The following BSN variants were observed in gnomAD, a reference collection of about 807,000 sequenced individuals.
BSN encodes the protein protein bassoon.
BSN carries 57 observed loss-of-function variants against 264.8 expected under a neutral mutation model. The observed-to-expected ratio is 0.22, with a 90% CI of 0.17 to 0.27. The LOEUF (loss-of-function observed/expected upper bound fraction) is 0.27. Ranked by LOEUF, BSN falls within the 10% of genes least tolerant of loss-of-function variation. The probability of loss-of-function intolerance (pLI) is 1.00; values close to 1 mark genes in which losing one functional copy is unlikely to be tolerated. For missense variants in BSN, 4,615 were observed against 5,232.5 expected (o/e 0.88, Z 3.64); for synonymous variants, 2,059 against 2,137.3 (o/e 0.96, Z 1.01).
Position 49,653,758 on chromosome 3 carries a change from C to A in BSN, c.4202C>A (p.Ala1401Asp). The stretch of plus-strand genomic sequence containing the variant: ...CTGCCACGAGGATATATGACTCCAG[C>A]CTCCCCAGCAGGCTCCGAGCGTAGT... The part of the protein sequence containing the change: ...AGLPRGYMTP[A>D]SPAGSERSPS... The change falls in exon 5 of 12, where the codon GCC (alanine) becomes GAC (aspartate). Residue 1401 changes from alanine to aspartate, a missense_variant. Ala to Asp is a moderately radical substitution (Grantham distance 126). Transcript: ENST00000296452. This position sits in a 1 kb window ranked among gnomAD's most constrained non-coding sequence, Gnocchi z 6.3. 1 of 1,614,096 alleles carries A rather than the reference C, an allele frequency of 6.2e-7. No homozygotes were observed. Among genetic ancestry groups the A allele is most frequent in the Non-Finnish European group, 8.5e-7 (1 of 1,180,012 alleles).
chr3:49,655,434 G>T lies in BSN; in HGVS notation c.5878G>T (p.Val1960Leu), dbSNP rs753345805. Residue 1960 changes from valine (V) to leucine (L), a missense_variant, in exon 5 of 12, where the codon GTG becomes TTG. This residue lies in a region of BSN where 3,415 missense variants were observed against 3,866.4 expected (regional missense o/e 0.88). Transcript: ENST00000296452. ...PEPPTYRAQG[V>L]VGPGPHEEQR... ...GCCCCCAACCTACCGGGCACAGGGG[G>T]TGGTGGGGCCTGGGCCCCATGAGGA... 5.1e-6 allele frequency: 8 copies of T among 1,570,218 alleles called. No individual in the cohort carries two copies. The highest frequency in any genetic ancestry group is 6.0e-6 in the Non-Finnish European group (7 of 1,157,634).
chr3:49,605,519 T>TATTATATATTATATA (rs2052116087), intron 1 of BSN, among the ~76,000 whole-genome samples: 9 of 7,496 alleles, frequency 1.2e-3, no homozygotes, highest in Admixed American at 2.8e-3. Flanking sequence ...ATATAATATA[T>TATTATATATTATATA]ATATAATATA....
chr3:49,592,063 A>G (rs2108024911), intron 1 of BSN, among the ~76,000 whole-genome samples: 1 of 152,210 alleles, frequency 6.6e-6, no homozygotes, highest in Non-Finnish European at 1.5e-5. Context: ...TGAGAGAGAC[A>G]GTTGATTTTT....
chr3:49,569,419 G>A (rs1005356313), intron 1 of BSN, among the ~76,000 whole-genome samples: 1 of 152,174 alleles, frequency 6.6e-6, no homozygotes, highest in Non-Finnish European at 1.5e-5. Flanking sequence ...AAAGCACTCA[G>A]CATGAGGCCT....
chr3:49,595,575 T>G (rs1479714948), intron 1 of BSN, among the ~76,000 whole-genome samples: 3 of 152,260 alleles, frequency 2.0e-5, no homozygotes, highest in African/African-American at 4.8e-5. Flanking sequence ...CACCGCAGCC[T>G]TGAACTCCTG....
chr3:49,641,672 G>A (rs1006922278), intron 2 of BSN: 2 of 152,162 alleles, frequency 1.3e-5, no homozygotes, highest in African/African-American at 4.8e-5. Context: ...TCATTCTGTA[G>A]TATCTTGTTT....
Position 49,638,062 on chromosome 3 carries a change from C to G in BSN, c.634-4206C>G, listed in dbSNP as rs924301859. On this transcript the variant is annotated intron_variant, in intron 2 of 11. Transcript: ENST00000296452. This position sits in a 1 kb window ranked among gnomAD's most constrained non-coding sequence, Gnocchi z 4.3. ...CACATCTCCTGCCCATGTGCCAGATCAGGATCTTGGAGGTATTAGACAGCA... is the reference window on the plus strand; with the variant it reads ...CACATCTCCTGCCCATGTGCCAGATGAGGATCTTGGAGGTATTAGACAGCA... Among the ~76,000 whole-genome samples the G allele has an allele frequency of 6.6e-6, 1 of 152,228 alleles. No individual in the cohort carries two copies. The highest frequency in any genetic ancestry group is 2.4e-5 in the African/African-American group (1 of 41,458).
At chr3:49,623,856 C>T (rs1383958381) in intron 1 of BSN, among the ~76,000 whole-genome samples, 4 of 152,134 alleles carry the variant, frequency 2.6e-5, no homozygotes, top group African/African-American at 4.8e-5. Flanking sequence ...AGTATGGTAT[C>T]TCAATATAGT....
At chr3:49,662,691 A>G in intron 6 of BSN, 129 bp downstream of exon 6, 1 of 1,269,258 alleles carries the variant, frequency 7.9e-7, no homozygotes, top group Non-Finnish European at 1.0e-6. Context: ...GCCCTGCTGC[A>G]GGCAGGCTGC....
intron 1 of BSN, among the ~76,000 whole-genome samples, chr3:49,569,366 A>G (rs921976850): frequency 1.3e-5 from 2 of 152,216 alleles, no homozygotes; most frequent in Non-Finnish European, 2.9e-5. Flanking sequence ...AAGTGCATTC[A>G]ATTAAACAAA....
In BSN at chr3:49,657,439, G is replaced by A. The variant is rs780162212; in HGVS notation, c.7883G>A (p.Arg2628His). 20 of 1,612,756 alleles carry A rather than the reference G, an allele frequency of 1.2e-5. No individual in the cohort carries two copies. Among genetic ancestry groups the A allele is most frequent in the Non-Finnish European group, 1.7e-5 (20 of 1,179,818 alleles). ...DSAEWEQPVR[R>H]RRSRLPRHSD... Reference sequence around the variant, plus strand: ...GCTGAGTGGGAGCAGCCAGTGCGCCGCCGCAGGTCTCGTCTTCCCCGCCAC... The same window carrying A: ...GCTGAGTGGGAGCAGCCAGTGCGCCACCGCAGGTCTCGTCTTCCCCGCCAC... The change falls in exon 5 of 12, where the codon CGC (arginine) becomes CAC (histidine). Residue 2628 changes from arginine to histidine, a missense_variant. Coordinates refer to ENST00000296452, the MANE Select transcript of BSN (RefSeq NM_003458.4).
chr3:49,662,582 A>G lies in BSN; in HGVS notation c.10717+20A>G. On this transcript the variant is annotated intron_variant, in intron 6 of 11. Coordinates refer to ENST00000296452, the MANE Select transcript of BSN (RefSeq NM_003458.4). ...GCGAAGGTAATGGCAGCCAGGGGTG[A>G]TTTCTGCGGATACTCAGCAGCTGGG... The G allele has an allele frequency of 2.6e-6, 4 of 1,562,356 alleles. No homozygotes were observed. Among genetic ancestry groups the G allele is most frequent in the Non-Finnish European group, 3.5e-6 (4 of 1,153,214 alleles).
At chr3:49,556,834 T>TC (rs2051676310) in intron 1 of BSN, among the ~76,000 whole-genome samples, 1 of 152,366 alleles carries the variant, frequency 6.6e-6, no homozygotes, top group South Asian at 2.1e-4. Context: ...TGAATGTGCT[T>TC]CTGGGCATTC....
intron 1 of BSN, among the ~76,000 whole-genome samples, chr3:49,606,188 T>TATATAAAA (rs2052141724): frequency 3.9e-5 from 1 of 25,434 alleles, no homozygotes; most frequent in Non-Finnish European, 6.7e-5. Context: ...TGTATATATA[T>TATATAAAA]TATATATACA....
rs1559616452 is a variant in BSN, at chr3:49,655,485, C to CCTGGTAGG, written c.5933_5940dup (p.Tyr1981ValfsTer42). 1 of 1,594,840 alleles carries CCTGGTAGG rather than the reference C, an allele frequency of 6.3e-7. No individual in the cohort carries two copies. Among genetic ancestry groups the CCTGGTAGG allele is most frequent in the Admixed American group, 1.7e-5 (1 of 59,428 alleles). On this transcript the variant is annotated frameshift_variant, in exon 5 of 12. Coordinates refer to ENST00000296452, the MANE Select transcript of BSN (RefSeq NM_003458.4). LOFTEE classifies it high-confidence loss of function. ...GCAGAGGCCCTACCCACAAGGCCTG[C>CCTGGTAGG]CTGGTAGGCTGTACTCCTCCATGTC...
chr3:49,625,648 A>G lies in BSN; in HGVS notation c.633+265A>G, dbSNP rs1421846802. Reference sequence around the variant, plus strand: ...AGAAGATACTTTCTAACCTGGTCCAAGTTTGGTCTGGAAAAATGGCCTTCG... The same window carrying G: ...AGAAGATACTTTCTAACCTGGTCCAGGTTTGGTCTGGAAAAATGGCCTTCG... On this transcript the variant is annotated intron_variant, in intron 2 of 11. Coordinates refer to ENST00000296452, the MANE Select transcript of BSN (RefSeq NM_003458.4). The surrounding 1 kb of genome is among the most constrained non-coding windows in gnomAD (Gnocchi z 4.4). Among the ~76,000 whole-genome samples, 3 of 152,222 alleles carry G rather than the reference A, an allele frequency of 2.0e-5. No individual in the cohort carries two copies. The highest frequency in any genetic ancestry group is 7.2e-5 in the African/African-American group (3 of 41,458).
intron 1 of BSN, among the ~76,000 whole-genome samples, chr3:49,574,063 C>T (rs567887502): frequency 6.6e-6 from 1 of 152,096 alleles, no homozygotes; most frequent in Non-Finnish European, 1.5e-5. Flanking sequence ...AATCCTCTCA[C>T]CTCATCCTCC....
chr3:49,672,279 T>C (rs529839092), downstream of BSN, among the ~76,000 whole-genome samples: 6 of 152,092 alleles, frequency 3.9e-5, no homozygotes, highest in Non-Finnish European at 5.9e-5. Flanking sequence ...CATTAGTTCA[T>C]AGCCAGTCTA....
At chr3:49,560,076 C>T (rs1229199695) in intron 1 of BSN, among the ~76,000 whole-genome samples, 10 of 150,130 alleles carry the variant, frequency 6.7e-5, no homozygotes, top group Non-Finnish European at 1.2e-4. Flanking sequence ...TTTTTTTTTT[C>T]CCCCAGAAAA....
Sources: allele counts gnomAD v4.1 joint callset (sites outside exome capture counted in the v4.1 genomes callset), GRCh38; gene constraint gnomAD v4.1.1; regional missense constraint gnomAD v4.1.1; non-coding constraint Gnocchi (gnomAD v3.1); transcripts MANE v1.5; gene names NCBI Gene and HGNC (gene_info 2026-07-23, HGNC 2026-07-21).